The following MROH2A variants were observed in gnomAD, a reference collection of about 807,000 sequenced individuals.
The protein encoded by MROH2A is maestro heat-like repeat-containing protein family member 2A.
MROH2A carries 174 observed loss-of-function variants against 200.4 expected under a neutral mutation model. That is an observed-to-expected ratio of 0.87 (90% CI 0.77 to 0.98). MROH2A has a LOEUF of 0.98. Among genes scored for constraint, MROH2A ranks in the 50% least tolerant of loss-of-function variants. The probability of loss-of-function intolerance (pLI) is 0.00; values close to 1 mark genes in which losing one functional copy is unlikely to be tolerated. For missense variants in MROH2A, 2,045 were observed against 2,139.6 expected, an observed-to-expected ratio of 0.96 and a Z score of 0.87; for synonymous variants, 829 against 840.4, an observed-to-expected ratio of 0.99 and a Z score of 0.23.
chr2:233,818,705 T>C lies in MROH2A; in HGVS notation c.3139T>C (p.Cys1047Arg). ...GPSKQKELEK[C>R]KGDLQSTDVE... ...TTCCAAGCAGAAGGAGCTTGAGAAA[T>C]GTAAGGGGGACCTCCAGAGCACAGA... Residue 1047 changes from cysteine (C) to arginine (R), a missense_variant, in exon 29 of 42, where the codon TGT (cysteine) becomes CGT (arginine). By Grantham distance (180) the Cys-to-Arg change is radical (BLOSUM62 -3). Around this residue, in one of 3 missense-constraint regions of MROH2A, gnomAD observed 1,201 missense variants for 1,311.3 expected, o/e 0.92. Coordinates refer to ENST00000389758, the MANE Select transcript of MROH2A (RefSeq NM_001394639.1). The C allele has an allele frequency of 1.3e-6, 2 of 1,550,218 alleles. No individual in the cohort carries two copies. The highest frequency in any genetic ancestry group is 1.7e-6 in the Non-Finnish European group (2 of 1,146,846).
rs947777025 is a variant in MROH2A, at chr2:233,828,899, T to C, written c.4273T>C (p.Tyr1425His). ...GCCCATGCCCCTCCAGGTGAAGCAGTACCGGAAGGTCTTGCTGGAGAAGTG... is the reference window on the plus strand; with the variant it reads ...GCCCATGCCCCTCCAGGTGAAGCAGCACCGGAAGGTCTTGCTGGAGAAGTG... Reference protein sequence around the residue: ...ALGAPKKVKQYRKVLLEKCLG... With the variant: ...ALGAPKKVKQHRKVLLEKCLG... Residue 1425 changes from tyrosine to histidine, a missense_variant, in exon 37 of 42, where the codon TAC becomes CAC. By Grantham distance (83) the Tyr-to-His change is moderately conservative (BLOSUM62 2). Around this residue, in one of 3 missense-constraint regions of MROH2A, gnomAD observed 1,201 missense variants for 1,311.3 expected, o/e 0.92. Transcript: ENST00000389758. This position sits in a 1 kb window ranked among gnomAD's most constrained non-coding sequence, Gnocchi z 4.6. 1.3e-6 allele frequency: 2 copies of C among 1,550,282 alleles called. No homozygotes were observed. The highest frequency in any genetic ancestry group is 1.7e-6 in the Non-Finnish European group (2 of 1,146,952).
At chr2:233,794,297 C>G in intron 7 of MROH2A, 66 bp from the exon 8 acceptor site, 1 of 1,193,738 alleles carries the variant, frequency 8.4e-7, no homozygotes, top group South Asian at 1.4e-5. Flanking sequence ...GTGGCTGGGG[C>G]TGAGGTCACT....
chr2:233,783,667 T>C (rs1009541282), intron 3 of MROH2A, among the ~76,000 whole-genome samples: 2 of 152,152 alleles, frequency 1.3e-5, no homozygotes, highest in African/African-American at 4.8e-5. Context: ...TGCCTCAGCC[T>C]CCCAAGTAGC....
chr2:233,811,490 A>G (rs1703151754), intron 23 of MROH2A, among the ~76,000 whole-genome samples: 1 of 152,196 alleles, frequency 6.6e-6, no homozygotes, highest in Admixed American at 6.5e-5. Flanking sequence ...ACAGAAGGCA[A>G]TGAGGAGGAA....
At chr2:233,829,144 TG>T in intron 37 of MROH2A, 72 bp downstream of exon 37, 1 of 1,387,782 alleles carries the variant, frequency 7.2e-7, no homozygotes, top group South Asian at 1.5e-5. Flanking sequence ...AAGGAAGAGA[TG>T]GGCTCTAGAG....
At position 233,784,484 on chromosome 2, in the gene MROH2A, G is replaced by A. The variant is rs556934684; in HGVS notation, c.276+4632G>A. ...GTATATTCTGGAGAATATTCCATGT[G>A]CTGATGAGAAACTAATGACGTTGAA... On this transcript the variant is annotated intron_variant, in intron 3 of 41. Coordinates refer to ENST00000389758, the MANE Select transcript of MROH2A (RefSeq NM_001394639.1). Among the ~76,000 whole-genome samples, 31 of 152,238 alleles carry A rather than the reference G, an allele frequency of 2.0e-4. No homozygotes were observed. In the South Asian group the frequency reaches 3.9e-3, roughly 19 times the overall value.
intron 3 of MROH2A, among the ~76,000 whole-genome samples, chr2:233,785,006 C>T (rs576947701): frequency 2.0e-5 from 3 of 152,126 alleles, no homozygotes; most frequent in Admixed American, 1.3e-4. Flanking sequence ...ATTAGCCAGG[C>T]GTGGTGGTGC....
rs11890045 is a variant in MROH2A, at chr2:233,802,487, C to T, written c.1708+172C>T. ...ACCTGGATATTAATGCCTACCTGAT[C>T]ATATCTAGGTCATGTTAGAATTGTG... On this transcript the variant is annotated intron_variant, in intron 15 of 41. Transcript: ENST00000389758. 7 of 713,292 alleles carry T rather than the reference C, an allele frequency of 9.8e-6. No homozygotes were observed. In the African/African-American group the frequency reaches 1.3e-4, roughly 13 times the overall value. 44.2% of individuals were successfully genotyped at this position (713,292 alleles called of 1,614,324 possible). A position where few individuals can be genotyped will look rare whatever the true frequency, so the allele number is the denominator to read the frequency against.
At chr2:233,823,839 C>CAGGGCAGGCCCTGCTGGA (rs1391443912) in intron 35 of MROH2A, among the ~76,000 whole-genome samples, 175 bp downstream of exon 35, 4 of 152,220 alleles carry the variant, frequency 2.6e-5, no homozygotes, top group African/African-American at 9.6e-5. Context: ...ATGAGTAGTG[C>CAGGGCAGGCCCTGCTGGA]AGGGCAGGCC....
At position 233,807,611 on chromosome 2, in the gene MROH2A, G is replaced by A. The variant is rs1702883633; in HGVS notation, c.2172+69G>A. On this transcript the variant is annotated intron_variant, in intron 20 of 41. Transcript: ENST00000389758. The surrounding 1 kb of genome is among the most constrained non-coding windows in gnomAD (Gnocchi z 4.3). ...GACCCTCGGGGACATGTGTGTTCATGTGGCTGCATGCGTTTTGTGTGTGTG... is the reference window on the plus strand; with the variant it reads ...GACCCTCGGGGACATGTGTGTTCATATGGCTGCATGCGTTTTGTGTGTGTG... The A allele has an allele frequency of 1.3e-6, 2 of 1,544,094 alleles. No individual in the cohort carries two copies. The highest frequency in any genetic ancestry group is 1.4e-5 in the African/African-American group (1 of 72,970).
chr2:233,793,958 A>T, intron 7 of MROH2A, 134 bp downstream of exon 7: 2 of 899,896 alleles, frequency 2.2e-6, no homozygotes, highest in Non-Finnish European at 3.1e-6. Context: ...GACCTGACTC[A>T]TGGCAGAGCC....
chr2:233,803,598 G>A, intron 16 of MROH2A, 110 bp downstream of exon 16: 1 of 1,156,990 alleles, frequency 8.6e-7, no homozygotes. Context: ...AAGCTGAGGT[G>A]CAATGAGGGA....
chr2:233,801,992 A>C (rs986436798), intron 14 of MROH2A, among the ~76,000 whole-genome samples, 176 bp from the exon 15 acceptor site: 4 of 152,164 alleles, frequency 2.6e-5, no homozygotes, highest in African/African-American at 9.7e-5. Context: ...GTGACACTTA[A>C]ATGCCCCTGA....
chr2:233,807,179 G>A lies in MROH2A; in HGVS notation c.2053-244G>A, dbSNP rs1702852148. On this transcript the variant is annotated intron_variant, in intron 19 of 41. Coordinates refer to ENST00000389758, the MANE Select transcript of MROH2A (RefSeq NM_001394639.1). This position sits in a 1 kb window ranked among gnomAD's most constrained non-coding sequence, Gnocchi z 4.3. The stretch of plus-strand genomic sequence containing the variant: ...ATATATATAATATGAACTGATATAT[G>A]TATATATAAACTGATATATGTATGT... Among the ~76,000 whole-genome samples the A allele has an allele frequency of 1.3e-5, 2 of 151,696 alleles. No homozygotes were observed. Among genetic ancestry groups the A allele is most frequent in the Non-Finnish European group, 2.9e-5 (2 of 67,990 alleles).
Position 233,795,505 on chromosome 2 carries a change from G to C in MROH2A, c.967-148G>C, listed in dbSNP as rs1380813102. The C allele has an allele frequency of 1.2e-5, 15 of 1,254,346 alleles. No homozygotes were observed. In the Admixed American group the frequency reaches 3.0e-4, roughly 25 times the overall value. 77.7% of individuals were successfully genotyped at this position (1,254,346 alleles called of 1,614,324 possible). The stretch of plus-strand genomic sequence containing the variant: ...ATGCAGGCTTGGATTCAGCAGGACT[G>C]GGGTAGGGCCTGAGAGTCTGCATTT... On this transcript the variant is annotated intron_variant, in intron 8 of 41. Coordinates refer to ENST00000389758, the MANE Select transcript of MROH2A (RefSeq NM_001394639.1).
chr2:233,798,583 G>A (rs1559452843), intron 11 of MROH2A, among the ~76,000 whole-genome samples, 191 bp from the exon 12 acceptor site: 1 of 152,222 alleles, frequency 6.6e-6, no homozygotes, highest in Non-Finnish European at 1.5e-5. Flanking sequence ...AGTGGCCAAG[G>A]GAACGAGGCG....
At chr2:233,815,811 A>G (rs1484668989) in intron 26 of MROH2A, among the ~76,000 whole-genome samples, 1 of 148,658 alleles carries the variant, frequency 6.7e-6, no homozygotes, top group African/African-American at 2.5e-5. Flanking sequence ...AAGCCTTGAA[A>G]TCAGGATCAG....
At chr2:233,803,990 G>A in intron 16 of MROH2A, 61 bp from the exon 17 acceptor site, 1 of 1,530,902 alleles carries the variant, frequency 6.5e-7, no homozygotes, top group Non-Finnish European at 8.8e-7. Context: ...AGGACAAAGA[G>A]CTCCAAGACA....
chr2:233,794,743 C>G (rs1319095729), intron 8 of MROH2A, among the ~76,000 whole-genome samples: 1 of 152,148 alleles, frequency 6.6e-6, no homozygotes, highest in Middle Eastern at 3.2e-3. Context: ...TCGGAGGCTG[C>G]AGTGAGGCTG....
Sources: gnomAD v4.1 joint callset for allele counts (sites outside exome capture counted in the v4.1 genomes callset) on GRCh38, gnomAD v4.1.1 for gene constraint, gnomAD v4.1.1 regional missense constraint, Gnocchi (gnomAD v3.1) non-coding constraint, MANE v1.5 for transcripts, NCBI Gene and HGNC (gene_info 2026-07-23, HGNC 2026-07-21) for gene names.